RIPOR2: variants seen among roughly 807,000 people sequenced by gnomAD.
RIPOR2 encodes rho family-interacting cell polarization regulator 2.
In RIPOR2, 39 loss-of-function variants were observed where a neutral mutation model predicts 114.5. The ratio of observed to expected loss-of-function variants is 0.34; its 90% CI spans 0.26 to 0.44. The LOEUF (loss-of-function observed/expected upper bound fraction) is 0.44. Among genes scored for constraint, RIPOR2 ranks in the 20% least tolerant of loss-of-function variants. The pLI is 1.00. For missense variants in RIPOR2, 1,007 were observed against 1,255.1 expected (o/e 0.80, Z 2.99); for synonymous variants, 445 against 484.4 (o/e 0.92, Z 1.07).
At chr6:24,969,662 A>T (rs537311989) in intron 1 of RIPOR2, among the ~76,000 whole-genome samples, 9 of 152,112 alleles carry the variant, frequency 5.9e-5, no homozygotes, top group African/African-American at 2.2e-4. Flanking sequence ...TTTTGCTGAT[A>T]AGGCTCTTTT....
chr6:24,860,942 C>G, intron 8 of RIPOR2, 31 bp downstream of exon 8: 1 of 1,425,122 alleles, frequency 7.0e-7, no homozygotes. Context: ...AGAGATGGCT[C>G]CTTATTCTCT....
intron 1 of RIPOR2, among the ~76,000 whole-genome samples, chr6:24,900,275 C>T (rs973568458): frequency 1.3e-5 from 2 of 152,194 alleles, no homozygotes; most frequent in Admixed American, 1.3e-4. Flanking sequence ...GGTTTAAAAC[C>T]AAGCTCTGCC....
chr6:25,030,670 A>T (rs1459785535), intron 1 of RIPOR2, among the ~76,000 whole-genome samples: 1 of 152,092 alleles, frequency 6.6e-6, no homozygotes, highest in African/African-American at 2.4e-5. Context: ...TTTAAAAGGC[A>T]TAGGGTCTTG....
chr6:24,926,294 T>C (rs553427181), intron 1 of RIPOR2, among the ~76,000 whole-genome samples: 23 of 152,346 alleles, frequency 1.5e-4, no homozygotes, highest in Admixed American at 5.2e-4. Context: ...TCCTGCATAC[T>C]GTTAAAGATA....
intron 1 of RIPOR2, among the ~76,000 whole-genome samples, chr6:24,923,717 G>A (rs967080094): frequency 2.6e-5 from 4 of 152,016 alleles, no homozygotes; most frequent in Non-Finnish European, 2.9e-5. Flanking sequence ...ACGTGATGGC[G>A]CATGCCTGTA....
intron 1 of RIPOR2, among the ~76,000 whole-genome samples, chr6:24,905,379 C>T (rs866358872): frequency 1.3e-5 from 2 of 151,816 alleles, no homozygotes; most frequent in Non-Finnish European, 2.9e-5. Context: ...CTGAGGATGA[C>T]GCATCACCGA....
chr6:25,013,180 T>C (rs1314815446), intron 1 of RIPOR2, among the ~76,000 whole-genome samples: 3 of 152,250 alleles, frequency 2.0e-5, no homozygotes, highest in African/African-American at 7.2e-5. Flanking sequence ...TTTCTTTGTT[T>C]TTAAAACATC....
At chr6:24,959,940 A>T (rs1334303489) in intron 1 of RIPOR2, among the ~76,000 whole-genome samples, 1 of 152,158 alleles carries the variant, frequency 6.6e-6, no homozygotes, top group Non-Finnish European at 1.5e-5. Flanking sequence ...GTTTTTATCT[A>T]CATTAAAAAT....
intron 1 of RIPOR2, among the ~76,000 whole-genome samples, chr6:25,000,265 C>G (rs1775242619): frequency 6.6e-6 from 1 of 152,164 alleles, no homozygotes. Flanking sequence ...GAAGTTTGGG[C>G]ATCCTTCATG....
At chr6:24,926,948 T>C (rs1770900548) in intron 1 of RIPOR2, among the ~76,000 whole-genome samples, 2 of 138,652 alleles carry the variant, frequency 1.4e-5, no homozygotes, top group Admixed American at 7.2e-5. Context: ...ATGATTATTA[T>C]AATCATCATC....
chr6:25,021,559 G>A (rs535602426), intron 1 of RIPOR2, among the ~76,000 whole-genome samples: 31 of 152,294 alleles, frequency 2.0e-4, no homozygotes, highest in African/African-American at 7.2e-4. Flanking sequence ...AACATTGTAT[G>A]TTCTCACTCA....
chr6:24,933,647 G>A (rs968686796), intron 1 of RIPOR2, among the ~76,000 whole-genome samples: 2 of 152,166 alleles, frequency 1.3e-5, no homozygotes, highest in Non-Finnish European at 2.9e-5. Flanking sequence ...GAAGTGCAAC[G>A]CAAACATTAT....
In RIPOR2 at chr6:24,825,211, G is replaced by A. The variant is rs1429067251; in HGVS notation, c.2868+15C>T. 6 of 1,541,384 alleles carry A rather than the reference G, an allele frequency of 3.9e-6. No homozygotes were observed. The African/African-American group carries it at 4.1e-5, about 11-fold the overall frequency. ...AACCAGCTTCTGGCTTGATGGCCAT[G>A]GTTTAGTGTCTTACCTTTTCCCTGA... is the stretch of plus-strand genomic sequence containing the variant. On this transcript the variant is annotated intron_variant, in intron 19 of 21. Transcript: ENST00000643898.
chr6:24,881,619 T>G (rs1766362285), intron 1 of RIPOR2, among the ~76,000 whole-genome samples: 1 of 152,252 alleles, frequency 6.6e-6, no homozygotes. Flanking sequence ...GCCTTTTCTC[T>G]GACTATGCAG....
At position 25,011,817 on chromosome 6, in the gene RIPOR2, T is replaced by C. The variant is rs531564835; in HGVS notation, c.76+30034A>G. ...CAGGAGTATTCTTTGTGACCTGGCG[T>C]TATGTAATGATTTCTTAGACATGAC... is the stretch of plus-strand genomic sequence containing the variant. On this transcript the variant is annotated intron_variant, in intron 1 of 13. Coordinates refer to the RIPOR2 transcript ENST00000510784. Among the ~76,000 whole-genome samples the C allele has an allele frequency of 3.9e-5, 6 of 152,330 alleles. No homozygotes were observed. In the South Asian group the frequency reaches 6.2e-4, roughly 16 times the overall value.
chr6:24,997,773 C>T (rs771790202), intron 1 of RIPOR2, among the ~76,000 whole-genome samples: 1 of 152,196 alleles, frequency 6.6e-6, no homozygotes, highest in African/African-American at 2.4e-5. Flanking sequence ...TCTGTATGCA[C>T]ATTAAAGTCT....
rs190587195 is a variant in RIPOR2, at chr6:24,991,066, A to G, written c.76+50785T>C. The stretch of plus-strand genomic sequence containing the variant: ...TGTTCAATAGTCTAATCAATGAGCT[A>G]CAATTGCAGCCAGGCATACATGGCC... On this transcript the variant is annotated intron_variant, in intron 1 of 13. Transcript: ENST00000510784. Among the ~76,000 whole-genome samples, 121 of 152,356 alleles carry G rather than the reference A, an allele frequency of 7.9e-4. 1 individual carries two copies. The highest frequency in any genetic ancestry group is 6.8e-3 in the Middle Eastern group (2 of 294).
intron 1 of RIPOR2, among the ~76,000 whole-genome samples, chr6:24,932,377 T>C (rs115312383): frequency 0.015 from 2,349 of 151,882 alleles, 27 homozygotes; most frequent in South Asian, 0.034. Flanking sequence ...AAGAAACAGA[T>C]GGAGAGACAG....
chr6:24,923,376 G>T (rs539424925), intron 1 of RIPOR2, among the ~76,000 whole-genome samples: 1 of 152,170 alleles, frequency 6.6e-6, no homozygotes, highest in Non-Finnish European at 1.5e-5. Context: ...ATTATTTTGG[G>T]TATATACCCA....
Sources: gnomAD v4.1 joint callset for allele counts (sites outside exome capture counted in the v4.1 genomes callset) on GRCh38, gnomAD v4.1.1 for gene constraint, MANE v1.5 for transcripts, NCBI Gene and HGNC (gene_info 2026-07-23, HGNC 2026-07-21) for gene names.